The following MYH1 variants were observed in gnomAD, a reference collection of about 807,000 sequenced individuals.
MYH1 encodes myosin-1.
A neutral mutation model predicts 225.6 loss-of-function variants in MYH1; 214 were observed. That is an observed-to-expected ratio of 0.95 (90% confidence interval 0.85 to 1.06). The LOEUF is 1.06. Among genes scored for constraint, MYH1 ranks in the 50% least tolerant of loss-of-function variants. The probability of loss-of-function intolerance (pLI) is 0.00; values close to 1 mark genes in which losing one functional copy is unlikely to be tolerated. For missense variants in MYH1, 2,098 were observed against 2,344.2 expected (o/e 0.89, Z 2.17); for synonymous variants, 774 against 842.3 (o/e 0.92, Z 1.40).
Position 10,513,931 on chromosome 17 carries a change from G to C in MYH1, c.649-18C>G. The C allele has an allele frequency of 1.9e-6, 3 of 1,613,948 alleles. No individual in the cohort carries two copies. In the African/African-American group the frequency reaches 4.0e-5, roughly 22 times the overall value. On this transcript the variant is annotated intron_variant, in intron 7 of 39. Transcript: ENST00000226207. ...AGAGTCCCCTGCAAAGGCAAGAGCAGTCCTTGCATCTGGGGCTTGGGAATT... is the reference window on the plus strand; with the variant it reads ...AGAGTCCCCTGCAAAGGCAAGAGCACTCCTTGCATCTGGGGCTTGGGAATT...
chr17:10,511,784 A>G, intron 14 of MYH1, 55 bp downstream of exon 14: 5 of 1,612,218 alleles, frequency 3.1e-6, no homozygotes, highest in Non-Finnish European at 4.2e-6. Flanking sequence ...ATATGACTGC[A>G]GCAACAAGCT....
chr17:10,493,855 C>G (rs894316804), intron 39 of MYH1, among the ~76,000 whole-genome samples: 1 of 152,244 alleles, frequency 6.6e-6, no homozygotes, highest in Non-Finnish European at 1.5e-5. Context: ...CTGCTCCACT[C>G]TCTTATCCAA....
intron 14 of MYH1, 135 bp downstream of exon 14, chr17:10,511,704 C>T: frequency 7.2e-7 from 1 of 1,390,302 alleles, no homozygotes; most frequent in Non-Finnish European, 1.0e-6. Context: ...GGTGCTCTTT[C>T]ATGTGTCAGT....
Position 10,499,269 on chromosome 17 carries a change from T to C in MYH1, c.3866-177A>G, listed in dbSNP as rs2073029324. ...CAGATCCATGTAAAAATTAGAAGCA[T>C]GGAGAAATTTGAGGCAGATTACATG... On this transcript the variant is annotated intron_variant, in intron 28 of 39. Coordinates refer to ENST00000226207, the MANE Select transcript of MYH1 (RefSeq NM_005963.4). Among the ~76,000 whole-genome samples the C allele has an allele frequency of 1.3e-5, 2 of 152,142 alleles. 1 individual carries two copies. The highest frequency in any genetic ancestry group is 4.2e-4 in the South Asian group (2 of 4,808).
intron 39 of MYH1, 113 bp downstream of exon 39, chr17:10,494,241 C>A: frequency 9.7e-7 from 1 of 1,027,680 alleles, no homozygotes; most frequent in African/African-American, 1.6e-5. Context: ...CTCCATGTAG[C>A]CATTTGTTTT....
intron 22 of MYH1, 150 bp downstream of exon 22, chr17:10,504,660 A>G (rs771173653): frequency 2.8e-5 from 27 of 950,252 alleles, no homozygotes; most frequent in African/African-American, 5.0e-5. Flanking sequence ...GTAATATTGT[A>G]TAGGGAATTC....
intron 30 of MYH1, among the ~76,000 whole-genome samples, chr17:10,498,246 G>A (rs1412879317): frequency 6.6e-6 from 1 of 152,078 alleles, no homozygotes; most frequent in African/African-American, 2.4e-5. Flanking sequence ...TTGTTTTTCT[G>A]TGTCTCCACA....
chr17:10,499,456 A>G (rs2142260423), intron 28 of MYH1, among the ~76,000 whole-genome samples: 1 of 152,342 alleles, frequency 6.6e-6, no homozygotes, highest in Non-Finnish European at 1.5e-5. Context: ...CCTTCCATTG[A>G]AAGTTGGTTG....
Position 10,504,850 on chromosome 17 carries a change from A to G in MYH1, c.2651T>C (p.Leu884Pro), listed in dbSNP as rs1336892541. ...TTGCAAGTCATTTTTTTCTTGCATC[A>G]GAGTAACCATTTTTTCTTCCAGCTC... ...RKELEEKMVTLMQEKNDLQLQ... is the reference protein window; with the variant it reads ...RKELEEKMVTPMQEKNDLQLQ... The change falls in exon 22 of 40, where the codon CTG becomes CCG. Residue 884 changes from leucine to proline, a missense_variant. Leu to Pro is a moderately conservative substitution (Grantham distance 98). Transcript: ENST00000226207. 6.2e-7 allele frequency: 1 copy of G among 1,614,176 alleles called. No individual in the cohort carries two copies. The highest frequency in any genetic ancestry group is 8.5e-7 in the Non-Finnish European group (1 of 1,180,026).
At chr17:10,506,244 A>T in intron 17 of MYH1, 145 bp from the exon 18 acceptor site, 3 of 1,028,890 alleles carry the variant, frequency 2.9e-6, no homozygotes, top group Non-Finnish European at 4.2e-6. Flanking sequence ...TATCTCTGGA[A>T]TTTCCACATT....
rs183833836 is a variant in MYH1, at chr17:10,505,455, T to G, written c.2231A>C (p.Lys744Thr). The G allele has an allele frequency of 4.7e-5, 76 of 1,614,204 alleles. 1 individual carries two copies. In the East Asian group the frequency reaches 1.3e-3, roughly 28 times the overall value. The change falls in exon 20 of 40, where the codon AAG (lysine) becomes ACG (threonine). Residue 744 changes from lysine to threonine, a missense_variant. Physicochemically the swap from Lys to Thr is moderately conservative, Grantham distance 78 (BLOSUM62 -1). Coordinates refer to ENST00000226207, the MANE Select transcript of MYH1 (RefSeq NM_005963.4). The part of the protein sequence containing the change: ...IPEGQFIDSK[K>T]ASEKLLGSID... ...GGACCCCAGGAGCTTCTCTGAAGCC[T>G]TCTTGCTATCGATGAATTGTCCTTC...
At chr17:10,500,376 A>ATATG (rs1362090941) in intron 28 of MYH1, among the ~76,000 whole-genome samples, 2 of 150,484 alleles carry the variant, frequency 1.3e-5, no homozygotes, top group Non-Finnish European at 1.5e-5. Flanking sequence ...ATATATATAT[A>ATATG]TATGTATGTA....
rs777299446 is a variant in MYH1 at position 10,509,589 on chromosome 17, G to A, written c.1483C>T (p.His495Tyr). 8.7e-6 allele frequency: 14 copies of A among 1,614,108 alleles called. No homozygotes were observed. Among genetic ancestry groups the A allele is most frequent in the East Asian group, 2.2e-5 (1 of 44,872 alleles). Residue 495 changes from histidine (H) to tyrosine (Y), a missense_variant, in exon 15 of 40, where the codon CAC becomes TAC. His to Tyr is a moderately conservative substitution (Grantham distance 83). Coordinates refer to ENST00000226207, the MANE Select transcript of MYH1 (RefSeq NM_005963.4). ...TCCTCCTGCTCCAGCACGAACATGTGGTGGTTGAAAAACTGTTGCAGTTTC... is the reference window on the plus strand; with the variant it reads ...TCCTCCTGCTCCAGCACGAACATGTAGTGGTTGAAAAACTGTTGCAGTTTC... ...NEKLQQFFNH[H>Y]MFVLEQEEYK...
intron 26 of MYH1, 22 bp from the exon 27 acceptor site, chr17:10,501,521 A>C: frequency 6.2e-7 from 1 of 1,614,178 alleles, no homozygotes; most frequent in East Asian, 2.2e-5. Context: ...GAAAAATATT[A>C]ATACGAACTC....
intron 22 of MYH1, among the ~76,000 whole-genome samples, chr17:10,504,102 T>C (rs1271764470): frequency 6.6e-6 from 1 of 152,260 alleles, no homozygotes; most frequent in Non-Finnish European, 1.5e-5. Flanking sequence ...TGGTAACTTT[T>C]AATGTTTCTG....
intron 8 of MYH1, 47 bp from the exon 9 acceptor site, chr17:10,513,736 A>G: frequency 1.2e-6 from 2 of 1,612,594 alleles, no homozygotes; most frequent in Non-Finnish European, 1.7e-6. Context: ...TGAAGTACGT[A>G]GTGGGGATGC....
chr17:10,516,738 C>G, intron 2 of MYH1, 56 bp from the exon 3 acceptor site: 1 of 1,462,110 alleles, frequency 6.8e-7, no homozygotes, highest in Non-Finnish European at 9.3e-7. Context: ...ATTAGATTCA[C>G]ATTTAAAACT....
chr17:10,499,354 T>C (rs1019847231), intron 28 of MYH1, among the ~76,000 whole-genome samples: 8 of 152,222 alleles, frequency 5.3e-5, no homozygotes, highest in African/African-American at 1.9e-4. Context: ...GTAGTCAAAA[T>C]TGATGAAGAA....
rs1253061605 is a variant in MYH1 at position 10,497,444 on chromosome 17, TG to T, written c.4373del (p.Ala1458GlufsTer39). The T allele has an allele frequency of 1.2e-6, 2 of 1,600,438 alleles. No homozygotes were observed. The highest frequency in any genetic ancestry group is 2.7e-5 in the African/African-American group (2 of 73,996). On this transcript the variant is annotated frameshift_variant, in exon 32 of 40. Coordinates refer to ENST00000226207, the MANE Select transcript of MYH1 (RefSeq NM_005963.4). LOFTEE classifies it high-confidence loss of function. ...TTTCTTCACACTTCTGTTTCCATTC[TG>T]CCAGGATCTGAAGGTCAAGGAATGG... The part of the protein sequence containing the change: ...KKQRNFDKIL[A>X]EWKQKCEETH...
Sources: gnomAD v4.1 joint callset for allele counts (sites outside exome capture counted in the v4.1 genomes callset) on GRCh38, gnomAD v4.1.1 for gene constraint, MANE v1.5 for transcripts, NCBI Gene and HGNC (gene_info 2026-07-23, HGNC 2026-07-21) for gene names.